MBD5: variants seen among roughly 807,000 people sequenced by gnomAD.
MBD5 encodes methyl-CpG binding domain protein 5.
Under a neutral mutation model 117.3 loss-of-function variants are expected in MBD5, and 13 were observed. The observed-to-expected ratio is 0.11, with a 90% CI of 0.07 to 0.18. The LOEUF (loss-of-function observed/expected upper bound fraction) is 0.18. Ranked by LOEUF, MBD5 falls within the 10% of genes least tolerant of loss-of-function variation. The pLI, the probability that MBD5 is intolerant of heterozygous loss-of-function variation, is 1.00. For missense variants in MBD5, 1,879 were observed against 2,093.8 expected (o/e 0.90, Z 2.00); for synonymous variants, 727 against 766.4 (o/e 0.95, Z 0.85).
At chr2:148,059,462 T>A (rs1243861610) in intron 1 of MBD5, among the ~76,000 whole-genome samples, 2 of 152,198 alleles carry the variant, frequency 1.3e-5, no homozygotes, top group Non-Finnish European at 2.9e-5. Context: ...TATTGGAAAT[T>A]TACTGTTAGC....
intron 3 of MBD5, among the ~76,000 whole-genome samples, chr2:148,294,509 T>TTTTTTTTTTTTTTTTTTTTTTGTTTG (rs1701598302): frequency 1.0e-4 from 13 of 129,974 alleles, no homozygotes; most frequent in Non-Finnish European, 2.1e-4. Context: ...CAGTTTTTTT[T>TTTTTTTTTTTTTTTTTTTTTTGTTTG]TTTTTTTTTT....
At chr2:148,395,444 T>TTTC (rs1553509952) in intron 4 of MBD5, among the ~76,000 whole-genome samples, 1 of 149,828 alleles carries the variant, frequency 6.7e-6, no homozygotes, top group Non-Finnish European at 1.5e-5. Context: ...TTTTTTTTTT[T>TTTC]CACAGAGTCT....
chr2:148,504,991 T>C (rs557229479), intron 12 of MBD5, among the ~76,000 whole-genome samples: 4 of 152,198 alleles, frequency 2.6e-5, no homozygotes, highest in African/African-American at 9.6e-5. Flanking sequence ...GGCAACAATA[T>C]TGAAGATGAA....
intron 1 of MBD5, among the ~76,000 whole-genome samples, chr2:148,064,803 T>C (rs988138716): frequency 6.6e-6 from 1 of 152,204 alleles, no homozygotes; most frequent in African/African-American, 2.4e-5. Context: ...CTTACCTTTC[T>C]TCTTTCCTTC....
At chr2:148,029,635 C>T (rs1693984913) in intron 1 of MBD5, among the ~76,000 whole-genome samples, 1 of 152,180 alleles carries the variant, frequency 6.6e-6, no homozygotes, top group African/African-American at 2.4e-5. Flanking sequence ...ATTTCTTCAA[C>T]AGCTTCTGTT....
chr2:148,023,094 T>G (rs1693808061), intron 1 of MBD5, among the ~76,000 whole-genome samples: 1 of 151,994 alleles, frequency 6.6e-6, no homozygotes, highest in African/African-American at 2.4e-5. Context: ...ACCCTTTTTT[T>G]TTTTTTTGTA....
chr2:148,379,340 G>C (rs1704071436), intron 4 of MBD5, among the ~76,000 whole-genome samples: 2 of 151,972 alleles, frequency 1.3e-5, no homozygotes, highest in East Asian at 3.9e-4. Flanking sequence ...ATGGAAGCTA[G>C]AAATCAGTGG....
chr2:148,327,103 T>C (rs1389726508), intron 3 of MBD5, among the ~76,000 whole-genome samples: 2 of 152,070 alleles, frequency 1.3e-5, no homozygotes, highest in Non-Finnish European at 2.9e-5. Context: ...TGAAGCTTAG[T>C]TTGGCTGGAT....
At chr2:148,197,795 T>TG (rs796505689) in intron 2 of MBD5, among the ~76,000 whole-genome samples, 26 of 34,812 alleles carry the variant, frequency 7.5e-4, no homozygotes, top group South Asian at 5.6e-3. Context: ...GCATCTGAGG[T>TG]TTTTTTTTTT....
intron 1 of MBD5, among the ~76,000 whole-genome samples, chr2:148,034,228 A>G (rs952249089): frequency 6.6e-6 from 1 of 152,212 alleles, no homozygotes; most frequent in South Asian, 2.1e-4. Flanking sequence ...ACAGTTTACT[A>G]AATTTATCTA....
rs551658277 is a variant in MBD5, at chr2:148,426,639, A to C, written c.-556-31564A>C. Among the ~76,000 whole-genome samples the C allele has an allele frequency of 3.3e-5, 5 of 152,266 alleles. No individual in the cohort carries two copies. The East Asian group carries it at 9.6e-4, about 29-fold the overall frequency. On this transcript the variant is annotated intron_variant, in intron 4 of 13. Transcript: ENST00000642680. ...ACTGGATCCCTTCCTTACACCTTAT[A>C]CAAAAATTAATTCAAGATGGATTAA... is the stretch of plus-strand genomic sequence containing the variant.
intron 13 of MBD5, among the ~76,000 whole-genome samples, chr2:148,511,185 G>A (rs964606108): frequency 1.3e-5 from 2 of 152,140 alleles, no homozygotes; most frequent in African/African-American, 4.8e-5. Context: ...TGCCTTGAAG[G>A]TAAAAGAAAA....
In MBD5 at chr2:148,183,447, G is replaced by A. The variant is rs1285532240; in HGVS notation, c.-831+4654G>A. On this transcript the variant is annotated intron_variant, in intron 2 of 13. Transcript: ENST00000642680. ...CATAATTGTTTATACATTACAATGT[G>A]TTTCACCATTTTCAATATTTAAGTT... Among the ~76,000 whole-genome samples the A allele has an allele frequency of 2.6e-5, 4 of 151,656 alleles. No homozygotes were observed. In the South Asian group the frequency reaches 8.3e-4, roughly 31 times the overall value.
chr2:148,386,718 CAAAAAA>C (rs60766324), intron 4 of MBD5, among the ~76,000 whole-genome samples: 421 of 104,198 alleles, frequency 4.0e-3, no homozygotes, highest in African/African-American at 0.014. Context: ...GACTCCGTCT[CAAAAAA>C]AAAAAAAAAA....
chr2:148,205,236 C>T (rs1463777245), intron 2 of MBD5, among the ~76,000 whole-genome samples: 1 of 152,026 alleles, frequency 6.6e-6, no homozygotes, highest in African/African-American at 2.4e-5. Context: ...CCCCACCACA[C>T]CTGGCTAATT....
intron 1 of MBD5, chr2:148,044,499 A>C (rs921039241): frequency 1.3e-5 from 2 of 152,158 alleles, no homozygotes; most frequent in African/African-American, 4.8e-5. Context: ...TTTCTCATCA[A>C]ATGTGTTGTT....
intron 1 of MBD5, among the ~76,000 whole-genome samples, chr2:148,035,453 A>G (rs555478632): frequency 6.6e-6 from 1 of 152,268 alleles, no homozygotes; most frequent in South Asian, 2.1e-4. Flanking sequence ...GAGGACTGAT[A>G]TACTTCATTT....
chr2:148,220,914 C>T (rs139442693), intron 2 of MBD5, among the ~76,000 whole-genome samples: 100 of 152,112 alleles, frequency 6.6e-4, no homozygotes, highest in Non-Finnish European at 1.1e-3. Flanking sequence ...TTAACCATCC[C>T]CACGTATCCC....
chr2:148,319,691 A>G (rs1474389707), intron 3 of MBD5, among the ~76,000 whole-genome samples: 1 of 152,226 alleles, frequency 6.6e-6, no homozygotes, highest in African/African-American at 2.4e-5. Flanking sequence ...AGATCATATC[A>G]TCAGTGAACA....
Sources: gnomAD v4.1 joint callset for allele counts (sites outside exome capture counted in the v4.1 genomes callset) on GRCh38, gnomAD v4.1.1 for gene constraint, MANE v1.5 for transcripts, NCBI Gene and HGNC (gene_info 2026-07-23, HGNC 2026-07-21) for gene names.